The following DRGX variants were observed in gnomAD, a reference collection of about 807,000 sequenced individuals.
DRGX encodes the protein dorsal root ganglia homeobox.
In DRGX, 21 loss-of-function variants were observed where a neutral mutation model predicts 28.6. The observed-to-expected ratio is 0.73, with a 90% CI of 0.52 to 1.06. DRGX has a LOEUF of 1.06. DRGX is among the 50% of genes least tolerant of loss of function. The pLI is 0.00. For synonymous variants in DRGX, 136 were observed against 139.1 expected (o/e 0.98, Z 0.16); for missense variants, 354 against 343.9 (o/e 1.03, Z -0.23).
At chr10:49,395,703 G>T (rs1334070404) in intron 1 of DRGX, among the ~76,000 whole-genome samples, 182 bp from the exon 2 acceptor site, 1 of 152,186 alleles carries the variant, frequency 6.6e-6, no homozygotes, top group Non-Finnish European at 1.5e-5. Flanking sequence ...CAGTCCTTCG[G>T]GTGTGTCCAC....
intron 6 of DRGX, among the ~76,000 whole-genome samples, chr10:49,369,165 T>G (rs1286342026): frequency 6.6e-6 from 1 of 152,224 alleles, no homozygotes; most frequent in African/African-American, 2.4e-5. Context: ...AGGTCACACC[T>G]GCAGCAGACC....
At chr10:49,376,823 A>G (rs544991586) in intron 6 of DRGX, among the ~76,000 whole-genome samples, 86 of 152,152 alleles carry the variant, frequency 5.7e-4, no homozygotes, top group African/African-American at 1.6e-3. Flanking sequence ...CTCTGGAAAG[A>G]CTTCTTCCTG....
At chr10:49,382,882 C>T (rs1261122772) in intron 6 of DRGX, among the ~76,000 whole-genome samples, 1 of 152,232 alleles carries the variant, frequency 6.6e-6, no homozygotes, top group African/African-American at 2.4e-5. Context: ...ACCTTTGAAA[C>T]ACAGACTGCC....
chr10:49,392,323 T>C (rs1377988490), intron 2 of DRGX, among the ~76,000 whole-genome samples: 1 of 152,216 alleles, frequency 6.6e-6, no homozygotes, highest in Non-Finnish European at 1.5e-5. Context: ...TTCTGTCTAC[T>C]AGAGGAAGTT....
At chr10:49,383,386 G>C (rs1849798857) in intron 6 of DRGX, among the ~76,000 whole-genome samples, 1 of 152,180 alleles carries the variant, frequency 6.6e-6, no homozygotes, top group African/African-American at 2.4e-5. Flanking sequence ...GCCATGGAAG[G>C]GGAAGGTGTC....
chr10:49,376,960 C>T (rs1027451966), intron 6 of DRGX, among the ~76,000 whole-genome samples: 5 of 152,176 alleles, frequency 3.3e-5, no homozygotes, highest in Non-Finnish European at 2.9e-5. Flanking sequence ...CCAAGCCCAC[C>T]CCCTAGCCCT....
intron 4 of DRGX, among the ~76,000 whole-genome samples, chr10:49,389,369 C>A (rs970891542): frequency 1.3e-5 from 2 of 152,074 alleles, no homozygotes; most frequent in African/African-American, 4.8e-5. Flanking sequence ...CCCCAAGCCC[C>A]TACATAAAAA....
intron 6 of DRGX, among the ~76,000 whole-genome samples, chr10:49,367,380 A>G (rs1180800763): frequency 6.6e-6 from 1 of 151,084 alleles, no homozygotes; most frequent in Admixed American, 6.6e-5. Flanking sequence ...TAATAACATT[A>G]AAAAGAAAAA....
intron 6 of DRGX, among the ~76,000 whole-genome samples, chr10:49,378,161 T>C (rs1849735494): frequency 6.6e-6 from 1 of 152,134 alleles, no homozygotes; most frequent in Non-Finnish European, 1.5e-5. Flanking sequence ...AATTCAATAT[T>C]CATTAATATT....
chr10:49,368,664 C>T (rs1399412939), intron 6 of DRGX, among the ~76,000 whole-genome samples: 3 of 152,264 alleles, frequency 2.0e-5, no homozygotes, highest in Non-Finnish European at 4.4e-5. Context: ...CAAACGCACT[C>T]ACTGGTGAGG....
At chr10:49,368,500 C>G (rs1374789076) in intron 6 of DRGX, among the ~76,000 whole-genome samples, 1 of 152,248 alleles carries the variant, frequency 6.6e-6, no homozygotes, top group Non-Finnish European at 1.5e-5. Context: ...GGGGCTCTTA[C>G]ACAGGCATAG....
chr10:49,389,113 T>C (rs1849871369), intron 4 of DRGX, among the ~76,000 whole-genome samples: 1 of 152,140 alleles, frequency 6.6e-6, no homozygotes, highest in South Asian at 2.1e-4. Context: ...CCAAAGGAGA[T>C]TTTCATTTCC....
intron 1 of DRGX, 147 bp downstream of exon 1, chr10:49,395,788 C>G (rs983290485): frequency 2.7e-6 from 1 of 364,506 alleles, no homozygotes; most frequent in Non-Finnish European, 5.1e-6. Context: ...TCTGGGGTCC[C>G]AGCCAGAAGC....
At chr10:49,395,693 C>T (rs1849961039) in intron 1 of DRGX, among the ~76,000 whole-genome samples, 172 bp from the exon 2 acceptor site, 1 of 152,220 alleles carries the variant, frequency 6.6e-6, no homozygotes, top group African/African-American at 2.4e-5. Flanking sequence ...CCCCACAGGG[C>T]AGTCCTTCGG....
chr10:49,366,384 G>A lies in DRGX; in HGVS notation c.527-3C>T, dbSNP rs375866724. 74 of 1,591,548 alleles carry A rather than the reference G, an allele frequency of 4.6e-5. No individual in the cohort carries two copies. Among genetic ancestry groups the A allele is most frequent in the Non-Finnish European group, 6.3e-5 (73 of 1,165,590 alleles). ...GCAGCAAGAGCACAGTGGGCCCCCT[G>A]GAAAAGGAAAAACAACAGGCTCCCA... On this transcript the variant is annotated splice_region_variant and splice_polypyrimidine_tract_variant and intron_variant, in intron 6 of 6. Coordinates refer to ENST00000374139, the MANE Select transcript of DRGX (RefSeq NM_001276451.2).
chr10:49,366,426 G>T, intron 6 of DRGX, 45 bp from the exon 7 acceptor site: 5 of 1,545,358 alleles, frequency 3.2e-6, no homozygotes, highest in Admixed American at 1.9e-5. Context: ...TCTACTTTCT[G>T]CCTCTCAGGG....
At chr10:49,395,845 A>G (rs536179815) in intron 1 of DRGX, 90 bp downstream of exon 1, 2 of 258,254 alleles carry the variant, frequency 7.7e-6, no homozygotes, top group South Asian at 8.3e-5. Context: ...GCGCAAGGCC[A>G]TCTGCGAGCT....
intron 6 of DRGX, among the ~76,000 whole-genome samples, chr10:49,370,701 G>A (rs61848630): frequency 0.074 from 11,210 of 152,264 alleles, 453 homozygotes; most frequent in Middle Eastern, 0.14. Context: ...ACTGAGAGAG[G>A]CCATCTGTGT....
At chr10:49,391,300 C>T (rs570656202) in intron 2 of DRGX, 39 bp from the exon 3 acceptor site, 6 of 1,575,464 alleles carry the variant, frequency 3.8e-6, no homozygotes, top group Non-Finnish European at 4.3e-6. Flanking sequence ...CAGGAAGGGG[C>T]CCCAGTCCTC....
Sources: allele counts gnomAD v4.1 joint callset (sites outside exome capture counted in the v4.1 genomes callset), GRCh38; gene constraint gnomAD v4.1.1; transcripts MANE v1.5; gene names NCBI Gene and HGNC (gene_info 2026-07-23, HGNC 2026-07-21).